Variants in CSMD1 observed in about 807,000 individuals in gnomAD.
CSMD1 encodes the protein CUB and Sushi multiple domains 1, also known as CUB and sushi domain-containing protein 1.
CSMD1 carries 213 observed loss-of-function variants against 417.5 expected under a neutral mutation model. The observed-to-expected ratio is 0.51, with a 90% confidence interval of 0.46 to 0.57. The LOEUF (loss-of-function observed/expected upper bound fraction) is 0.57, where lower values mean the gene tolerates loss of function less well. Among genes scored for constraint, CSMD1 ranks in the 20% least tolerant of loss-of-function variants. The pLI is 0.00. For missense variants in CSMD1, 6,923 were observed against 4,529.7 expected, an observed-to-expected ratio of 1.53 and a Z score of -15.17; for synonymous variants, 2,862 against 1,736.8, an observed-to-expected ratio of 1.65 and a Z score of -16.11.
chr8:4,179,088 A>T (rs2131167981), intron 3 of CSMD1, among the ~76,000 whole-genome samples: 1 of 152,292 alleles, frequency 6.6e-6, no homozygotes, highest in African/African-American at 2.4e-5. Flanking sequence ...TTTAAAGTTC[A>T]TATGGAAACA....
At chr8:3,917,451 G>C (rs1968322) in intron 5 of CSMD1, among the ~76,000 whole-genome samples, 1 of 151,756 alleles carries the variant, frequency 6.6e-6, no homozygotes, top group African/African-American at 2.4e-5. Context: ...GCTCATGCGC[G>C]CACAAATATG....
chr8:4,816,885 A>T (rs189753059), intron 1 of CSMD1, among the ~76,000 whole-genome samples: 117 of 152,236 alleles, frequency 7.7e-4, no homozygotes, highest in African/African-American at 2.7e-3. Context: ...AAACAGTCAC[A>T]TGCCCTCTGA....
At chr8:3,713,591 T>G (rs917211522) in intron 6 of CSMD1, among the ~76,000 whole-genome samples, 1 of 152,170 alleles carries the variant, frequency 6.6e-6, no homozygotes, top group Non-Finnish European at 1.5e-5. Context: ...AGTCGTATCT[T>G]CTGCTCTTAA....
At chr8:4,191,239 A>T (rs558129643) in intron 3 of CSMD1, among the ~76,000 whole-genome samples, 1 of 152,172 alleles carries the variant, frequency 6.6e-6, no homozygotes, top group East Asian at 1.9e-4. Context: ...TACTAAAAAC[A>T]CAAAAAATTA....
rs1195327300 is a variant in CSMD1, at chr8:3,348,069, T to G, written c.3397A>C (p.Lys1133Gln). 6.2e-7 allele frequency: 1 copy of G among 1,612,232 alleles called. No individual in the cohort carries two copies. Among genetic ancestry groups the G allele is most frequent in the Non-Finnish European group, 8.5e-7 (1 of 1,178,698 alleles). Residue 1133 changes from lysine (K) to glutamine (Q), a missense_variant, in exon 22 of 70, where the codon AAA (lysine) becomes CAA (glutamine). Coordinates refer to ENST00000635120, the MANE Select transcript of CSMD1 (RefSeq NM_033225.6). ...NYDNNHECIY[K>Q]IETEAGKGIH... ...CCCTTGCCGGCTTCTGTTTCTATTT[T>G]ATAGATACACTCATGGTTATTATCA...
At chr8:3,557,253 T>A (rs1007187120) in intron 10 of CSMD1, among the ~76,000 whole-genome samples, 2 of 152,216 alleles carry the variant, frequency 1.3e-5, no homozygotes, top group Non-Finnish European at 2.9e-5. Flanking sequence ...AAATAATATG[T>A]AGATTTGTGG....
At chr8:3,523,277 A>G (rs1481856692) in intron 10 of CSMD1, among the ~76,000 whole-genome samples, 2 of 152,190 alleles carry the variant, frequency 1.3e-5, no homozygotes, top group African/African-American at 2.4e-5. Context: ...TAAAGCCTAC[A>G]TAAGAATAAC....
intron 5 of CSMD1, among the ~76,000 whole-genome samples, chr8:3,955,823 G>C (rs961358373): frequency 6.6e-6 from 1 of 152,188 alleles, no homozygotes; most frequent in African/African-American, 2.4e-5. Flanking sequence ...TAACTGAGGG[G>C]TTCACTTTGC....
chr8:3,422,265 T>A (rs193012599), intron 12 of CSMD1, among the ~76,000 whole-genome samples: 14 of 152,280 alleles, frequency 9.2e-5, no homozygotes, highest in African/African-American at 2.9e-4. Context: ...GCATTCTTGA[T>A]GGCATACAAT....
chr8:4,411,006 A>C (rs1182568645), intron 3 of CSMD1, among the ~76,000 whole-genome samples: 1 of 152,016 alleles, frequency 6.6e-6, no homozygotes, highest in Non-Finnish European at 1.5e-5. Flanking sequence ...CCTGTGTCTT[A>C]CCTCTTTTGC....
intron 1 of CSMD1, among the ~76,000 whole-genome samples, chr8:4,785,097 G>A (rs1342415123): frequency 6.6e-6 from 1 of 152,184 alleles, no homozygotes; most frequent in East Asian, 1.9e-4. Flanking sequence ...TGGGTCATGA[G>A]TGCCTTCTTT....
chr8:3,215,791 G>A (rs1028776056), intron 29 of CSMD1, among the ~76,000 whole-genome samples: 8 of 152,094 alleles, frequency 5.3e-5, no homozygotes, highest in African/African-American at 1.9e-4. Context: ...TATAATGGGA[G>A]AGGAAAAAGC....
At chr8:3,313,576 G>A (rs759806589) in intron 23 of CSMD1, among the ~76,000 whole-genome samples, 3 of 152,106 alleles carry the variant, frequency 2.0e-5, no homozygotes, top group African/African-American at 4.8e-5. Flanking sequence ...TATCTCACAC[G>A]AGTTAGAATG....
At chr8:3,006,861 G>C (rs1331383992) in intron 52 of CSMD1, among the ~76,000 whole-genome samples, 4 of 143,354 alleles carry the variant, frequency 2.8e-5, no homozygotes, top group African/African-American at 1.2e-4. Flanking sequence ...ACATAGGCAT[G>C]GGCAAAGACT....
At chr8:3,482,352 A>G (rs145606927) in intron 11 of CSMD1, among the ~76,000 whole-genome samples, 25 of 152,306 alleles carry the variant, frequency 1.6e-4, no homozygotes, top group African/African-American at 5.8e-4. Flanking sequence ...AAATATTAAT[A>G]ATAAAAAGCA....
intron 5 of CSMD1, among the ~76,000 whole-genome samples, chr8:3,897,139 T>A (rs1807424491): frequency 6.6e-6 from 1 of 152,186 alleles, no homozygotes; most frequent in African/African-American, 2.4e-5. Flanking sequence ...GACCCAGTGT[T>A]TTTAAAACAG....
intron 3 of CSMD1, among the ~76,000 whole-genome samples, chr8:4,283,420 T>C (rs1038819948): frequency 3.3e-5 from 5 of 152,242 alleles, no homozygotes; most frequent in African/African-American, 1.2e-4. Flanking sequence ...CACATTCTTT[T>C]CATCTGGGTA....
Position 3,640,151 on chromosome 8 carries a change from G to A in CSMD1, c.1010-23354C>T, listed in dbSNP as rs187165991. ...CCCACTTTTTCTTGCGTAAGACTTC[G>A]CTCTGAGAAAACTTAATGCTTGAAG... On this transcript the variant is annotated intron_variant, in intron 7 of 69. Transcript: ENST00000635120. Among the ~76,000 whole-genome samples, 481 of 152,222 alleles carry A rather than the reference G, an allele frequency of 3.2e-3. 2 individuals carry two copies. Among genetic ancestry groups the A allele is most frequent in the African/African-American group, 0.01 (432 of 41,542 alleles).
chr8:3,582,184 C>G (rs1047100110), intron 9 of CSMD1, among the ~76,000 whole-genome samples: 1 of 152,206 alleles, frequency 6.6e-6, no homozygotes, highest in Non-Finnish European at 1.5e-5. Flanking sequence ...AACGTGTCAA[C>G]AGCAAAGAAC....
Sources: allele counts gnomAD v4.1 joint callset (sites outside exome capture counted in the v4.1 genomes callset), GRCh38; gene constraint gnomAD v4.1.1; transcripts MANE v1.5; gene names NCBI Gene and HGNC (gene_info 2026-07-23, HGNC 2026-07-21).